TMLHE: variants seen among roughly 807,000 people sequenced by gnomAD.
TMLHE encodes trimethyllysine hydroxylase, epsilon.
TMLHE carries 18 observed loss-of-function variants against 25.7 expected under a neutral mutation model. The observed-to-expected ratio is 0.70, with a 90% confidence interval of 0.48 to 1.04. TMLHE has a LOEUF of 1.04. TMLHE is among the 50% of genes least tolerant of loss of function. The probability of loss-of-function intolerance (pLI) is 0.00; values close to 1 mark genes in which losing one functional copy is unlikely to be tolerated. For synonymous variants in TMLHE, 105 were observed against 97.0 expected (o/e 1.08, Z -0.49); for missense variants, 236 against 259.0 (o/e 0.91, Z 0.61).
At chrX:155,588,438 C>A (rs186145426) in intron 1 of TMLHE, among the ~76,000 whole-genome samples, 10 of 111,760 alleles carry the variant, frequency 8.9e-5, no homozygotes, top group Admixed American at 8.5e-4. Context: ...GTAAAGATTT[C>A]ATGGCTAAGA....
At chrX:155,535,317 C>T (rs1383923731) in intron 2 of TMLHE, among the ~76,000 whole-genome samples, 4 of 112,158 alleles carry the variant, frequency 3.6e-5, no homozygotes, top group Non-Finnish European at 5.6e-5. Context: ...ATTTATTTCT[C>T]ACTGTCTGGA....
intron 6 of TMLHE, among the ~76,000 whole-genome samples, chrX:155,505,354 A>G (rs2067070307): frequency 8.9e-6 from 1 of 111,836 alleles, no homozygotes; most frequent in African/African-American, 3.2e-5. Flanking sequence ...TAACAGAGGG[A>G]GAGTTTCCCA....
In TMLHE at chrX:155,588,735, C is replaced by G. The variant is rs113493915; in HGVS notation, c.-2+24057G>C. On this transcript the variant is annotated intron_variant, in intron 1 of 7. Coordinates refer to ENST00000334398, the MANE Select transcript of TMLHE (RefSeq NM_018196.4). ...TGCCATCAGCTGTAGGAAAAAAATGCTCAACATCCCTAATCATCAGGGAAA... is the reference window on the plus strand; with the variant it reads ...TGCCATCAGCTGTAGGAAAAAAATGGTCAACATCCCTAATCATCAGGGAAA... 1.0e-3 allele frequency among the ~76,000 whole-genome samples: 113 copies of G among 111,301 alleles called. 1 individual carries two copies. Among genetic ancestry groups the G allele is most frequent in the Non-Finnish European group, 1.7e-3 (90 of 52,963 alleles).
intron 1 of TMLHE, among the ~76,000 whole-genome samples, chrX:155,552,238 TCTAACTTTATAAAAAG>T (rs1557340146): frequency 9.0e-6 from 1 of 110,536 alleles, no homozygotes; most frequent in East Asian, 2.8e-4. Flanking sequence ...ACAGTATTAT[TCTAACTTTATAAAAAG>T]AGTTGTAAAG....
chrX:155,525,073 G>T (rs1385662533), intron 2 of TMLHE, among the ~76,000 whole-genome samples: 1 of 111,486 alleles, frequency 9.0e-6, no homozygotes, highest in Non-Finnish European at 1.9e-5. Context: ...ACCATTCAAG[G>T]ATCAAAAGAA....
chrX:155,526,796 T>A (rs1195549240), intron 2 of TMLHE, among the ~76,000 whole-genome samples: 1 of 112,922 alleles, frequency 8.9e-6, no homozygotes, highest in Non-Finnish European at 1.9e-5. Context: ...CAAAGGAGAT[T>A]ATTTTGGAGC....
chrX:155,587,291 A>C (rs1557345402), intron 1 of TMLHE, among the ~76,000 whole-genome samples: 1 of 112,259 alleles, frequency 8.9e-6, no homozygotes, highest in East Asian at 2.8e-4. Context: ...TAGATGCAGA[A>C]AAAGAATTTG....
chrX:155,506,226 A>G (rs1209209049), intron 6 of TMLHE, among the ~76,000 whole-genome samples: 10 of 111,348 alleles, frequency 9.0e-5, no homozygotes, highest in Non-Finnish European at 1.7e-4. Context: ...TTACAACTTT[A>G]GCCATGGGAA....
chrX:155,587,449 T>C (rs1218192357), intron 1 of TMLHE, among the ~76,000 whole-genome samples: 2 of 110,903 alleles, frequency 1.8e-5, no homozygotes, highest in Non-Finnish European at 3.8e-5. Context: ...CTCTAAGAAA[T>C]GGAAAAAGAC....
At chrX:155,552,964 A>T (rs971712276) in intron 1 of TMLHE, among the ~76,000 whole-genome samples, 10 of 110,784 alleles carry the variant, frequency 9.0e-5, no homozygotes, top group Admixed American at 1.9e-4. Flanking sequence ...TGCAATTTTT[A>T]AAAATTTGGC....
At chrX:155,513,413 C>T (rs1011051915) in intron 4 of TMLHE, among the ~76,000 whole-genome samples, 2 of 111,173 alleles carry the variant, frequency 1.8e-5, no homozygotes, top group South Asian at 3.8e-4. Flanking sequence ...AGCAGTAAAA[C>T]GGGGACAAAA....
At chrX:155,510,016 ATTC>A (rs1186098084) in intron 5 of TMLHE, among the ~76,000 whole-genome samples, 18 of 111,147 alleles carry the variant, frequency 1.6e-4, no homozygotes, top group Non-Finnish European at 9.5e-5. Context: ...TCAGATTCAA[ATTC>A]TTCTTAATGC....
chrX:155,560,985 T>G lies in TMLHE; in HGVS notation c.-1-15708A>C, dbSNP rs782554793. 9.8e-5 allele frequency among the ~76,000 whole-genome samples: 6 copies of G among 61,149 alleles called. 3 individuals carry two copies. In the East Asian group the frequency reaches 4.4e-3, roughly 45 times the overall value. The allele number at this position is 61,149 out of a possible 115,157, so 53.1% of individuals were successfully genotyped here. On this transcript the variant is annotated intron_variant, in intron 1 of 7. Transcript: ENST00000334398. ...TAGGCTATTACAGTACTGGATTTAT[T>G]GAAGTAATCCAGGCAAGAAATGATA...
intron 2 of TMLHE, among the ~76,000 whole-genome samples, chrX:155,528,421 G>A (rs935514144): frequency 1.8e-5 from 2 of 110,041 alleles, no homozygotes; most frequent in Admixed American, 2.0e-4. Flanking sequence ...AGATTTCAGT[G>A]CACCCATCAC....
chrX:155,570,297 T>A (rs1557342911), intron 1 of TMLHE, among the ~76,000 whole-genome samples: 1 of 54,671 alleles, frequency 1.8e-5, no homozygotes, highest in African/African-American at 4.4e-5. Context: ...ATGCTAAATA[T>A]ATATGCACCC....
chrX:155,600,446 A>T (rs1280520949), intron 1 of TMLHE, among the ~76,000 whole-genome samples: 1 of 112,243 alleles, frequency 8.9e-6, no homozygotes, highest in Non-Finnish European at 1.9e-5. Flanking sequence ...GTTAATAAAG[A>T]AATTGGTACA....
At chrX:155,548,672 T>C (rs1244238148) in intron 1 of TMLHE, among the ~76,000 whole-genome samples, 2 of 108,436 alleles carry the variant, frequency 1.8e-5, no homozygotes, top group African/African-American at 3.4e-5. Context: ...GAGGCAAAGG[T>C]TGCAGTGAGC....
rs1304822157 is a variant in TMLHE, at chrX:155,505,487, T to C, written c.995+1411A>G. Among the ~76,000 whole-genome samples the C allele has an allele frequency of 2.7e-5, 3 of 111,228 alleles. No homozygotes were observed. In the East Asian group the frequency reaches 8.5e-4, roughly 31 times the overall value. On this transcript the variant is annotated intron_variant, in intron 6 of 7. Transcript: ENST00000334398. ...CAAGTGGGCACAGAAGGTATTATTATTGTAACTGGAAACTCATGACTAGCA... is the reference window on the plus strand; with the variant it reads ...CAAGTGGGCACAGAAGGTATTATTACTGTAACTGGAAACTCATGACTAGCA...
chrX:155,554,136 G>T (rs782202121), intron 1 of TMLHE, among the ~76,000 whole-genome samples: 34 of 109,846 alleles, frequency 3.1e-4, no homozygotes, highest in African/African-American at 1.1e-3. Context: ...TTGAGTAGCT[G>T]GGACTACAGG....
Sources: allele counts gnomAD v4.1 joint callset (sites outside exome capture counted in the v4.1 genomes callset), GRCh38; gene constraint gnomAD v4.1.1; transcripts MANE v1.5; gene names NCBI Gene and HGNC (gene_info 2026-07-23, HGNC 2026-07-21).